Variants in KCNIP1 observed in about 807,000 individuals in gnomAD.
KCNIP1 encodes the protein A-type potassium channel modulatory protein KCNIP1.
KCNIP1 carries 18 observed loss-of-function variants against 33.0 expected under a neutral mutation model. The observed-to-expected ratio is 0.55, with a 90% CI of 0.38 to 0.81. The LOEUF (loss-of-function observed/expected upper bound fraction) is 0.81, where lower values mean the gene tolerates loss of function less well. Ranked by LOEUF, KCNIP1 falls within the 30% of genes least tolerant of loss-of-function variation. KCNIP1 has a pLI of 0.00. For missense variants in KCNIP1, 238 were observed against 271.6 expected, an observed-to-expected ratio of 0.88 and a Z score of 0.87; for synonymous variants, 93 against 98.3, an observed-to-expected ratio of 0.95 and a Z score of 0.32.
intron 1 of KCNIP1, among the ~76,000 whole-genome samples, chr5:170,550,649 TA>T (rs1254670791): frequency 6.6e-6 from 1 of 152,050 alleles, no homozygotes; most frequent in African/African-American, 2.4e-5. Context: ...ACAATGATGG[TA>T]ACAGTGATGA....
At chr5:170,493,294 C>T (rs1477547946) in intron 1 of KCNIP1, among the ~76,000 whole-genome samples, 3 of 152,180 alleles carry the variant, frequency 2.0e-5, no homozygotes, top group Admixed American at 2.0e-4. Flanking sequence ...GTATTCCATG[C>T]CCTTCTTCCT....
chr5:170,501,216 G>A (rs965216784), upstream of KCNIP1, among the ~76,000 whole-genome samples: 7 of 152,164 alleles, frequency 4.6e-5, no homozygotes, highest in Admixed American at 1.3e-4. Flanking sequence ...GGGATCCCTG[G>A]AGGAGATGAC....
chr5:170,448,917 C>T (rs542221747), intron 1 of KCNIP1, among the ~76,000 whole-genome samples: 4 of 152,186 alleles, frequency 2.6e-5, no homozygotes, highest in Non-Finnish European at 5.9e-5. Flanking sequence ...GATGAGAACA[C>T]TGAGGCTCAG....
chr5:170,384,535 T>C (rs314116), intron 1 of KCNIP1, among the ~76,000 whole-genome samples: 71,681 of 151,960 alleles, frequency 0.47, 16,988 homozygotes, highest in Admixed American at 0.52. Flanking sequence ...GGCTAACAGG[T>C]TCATCAACAT....
rs1763155939 is a variant in KCNIP1 at position 170,703,128 on chromosome 5, AG to A, written c.62-15627del. 1.5e-5 allele frequency among the ~76,000 whole-genome samples: 2 copies of A among 137,760 alleles called. 1 individual carries two copies. The highest frequency in any genetic ancestry group is 5.3e-5 in the African/African-American group (2 of 37,574). 90.4% of individuals were successfully genotyped at this position (137,760 alleles called of 152,430 possible). A position where few individuals can be genotyped will look rare whatever the true frequency, so the allele number is the denominator to read the frequency against. Reference sequence around the variant, plus strand: ...GGACACGGCTTGATTCTTTAATCACAGGGCATCCTGTCTTCTCCACATTGCT... The same window carrying A: ...GGACACGGCTTGATTCTTTAATCACAGGCATCCTGTCTTCTCCACATTGCT... On this transcript the variant is annotated intron_variant, in intron 1 of 7. Coordinates refer to ENST00000328939, the MANE Select transcript of KCNIP1 (RefSeq NM_014592.4).
chr5:170,554,545 A>G (rs577934003), intron 1 of KCNIP1, among the ~76,000 whole-genome samples: 27 of 152,172 alleles, frequency 1.8e-4, no homozygotes, highest in South Asian at 4.1e-4. Flanking sequence ...TTGATGACAG[A>G]CGGAATCTCA....
At chr5:170,390,880 C>A (rs892006275) in intron 1 of KCNIP1, among the ~76,000 whole-genome samples, 4 of 152,108 alleles carry the variant, frequency 2.6e-5, no homozygotes, top group Non-Finnish European at 2.9e-5. Flanking sequence ...CCTGGCCTTC[C>A]CTGCTGAGCG....
chr5:170,510,388 G>A (rs1754886963), intron 1 of KCNIP1, among the ~76,000 whole-genome samples: 1 of 152,218 alleles, frequency 6.6e-6, no homozygotes, highest in Non-Finnish European at 1.5e-5. Context: ...GGATGGGCCA[G>A]AGTGTGCGTT....
intron 1 of KCNIP1, among the ~76,000 whole-genome samples, chr5:170,475,452 C>A (rs1189680736): frequency 6.6e-6 from 1 of 152,196 alleles, no homozygotes; most frequent in East Asian, 1.9e-4. Context: ...CTCCCTGACT[C>A]CTGCTGCAGA....
At chr5:170,472,840 A>G (rs971439976) in intron 1 of KCNIP1, among the ~76,000 whole-genome samples, 3 of 152,120 alleles carry the variant, frequency 2.0e-5, no homozygotes, top group African/African-American at 7.2e-5. Flanking sequence ...ATTGATGGAC[A>G]TTTGGGTCGG....
chr5:170,455,603 A>G (rs1009262469), intron 1 of KCNIP1, among the ~76,000 whole-genome samples: 1 of 152,270 alleles, frequency 6.6e-6, no homozygotes, highest in Non-Finnish European at 1.5e-5. Context: ...GAAATTATAC[A>G]CAATCTGTTC....
chr5:170,625,468 A>T (rs545823736), intron 1 of KCNIP1, among the ~76,000 whole-genome samples: 6 of 152,302 alleles, frequency 3.9e-5, no homozygotes, highest in African/African-American at 1.4e-4. Context: ...CCGGCTCCCC[A>T]TCGCTGGGCT....
chr5:170,439,546 G>A (rs1755941555), intron 1 of KCNIP1, among the ~76,000 whole-genome samples: 1 of 152,210 alleles, frequency 6.6e-6, no homozygotes, highest in Non-Finnish European at 1.5e-5. Context: ...CCACACGTAG[G>A]AGGCTGGATG....
intron 1 of KCNIP1, among the ~76,000 whole-genome samples, chr5:170,403,179 G>C (rs1411656680): frequency 6.6e-6 from 1 of 152,208 alleles, no homozygotes; most frequent in Non-Finnish European, 1.5e-5. Context: ...GCAGGAGGCA[G>C]AGAGGTACCA....
chr5:170,474,609 C>A (rs543254755), intron 1 of KCNIP1, among the ~76,000 whole-genome samples: 1 of 152,184 alleles, frequency 6.6e-6, no homozygotes, highest in Non-Finnish European at 1.5e-5. Flanking sequence ...ATTTCTGATT[C>A]CCATAGACTC....
intron 1 of KCNIP1, among the ~76,000 whole-genome samples, chr5:170,715,935 C>T (rs1210884767): frequency 1.3e-5 from 2 of 152,208 alleles, no homozygotes; most frequent in African/African-American, 4.8e-5. Context: ...CTCCTGCACA[C>T]AGGGAACAGG....
In KCNIP1 at chr5:170,390,517, A is replaced by AAAT; in HGVS notation, c.88+36554_88+36555insATA. ...GACCCCGTCTCAAAAAAAAAAAACAAATATATATATATATATATATATTTT... is the reference window on the plus strand; with the variant it reads ...GACCCCGTCTCAAAAAAAAAAAACAAAATATATATATATATATATATATATTTT... On this transcript the variant is annotated intron_variant, in intron 1 of 7. Coordinates refer to the KCNIP1 transcript ENST00000377360. 3.5e-4 allele frequency among the ~76,000 whole-genome samples: 26 copies of AAAT among 74,540 alleles called. 4 individuals are homozygous for AAAT. The highest frequency in any genetic ancestry group is 1.3e-3 in the African/African-American group (20 of 15,616). The allele number at this position is 74,540 out of a possible 152,430, so 48.9% of individuals were successfully genotyped here. A position where few individuals can be genotyped will look rare whatever the true frequency, so the allele number is the denominator to read the frequency against.
intron 1 of KCNIP1, among the ~76,000 whole-genome samples, chr5:170,361,963 T>C (rs905784): frequency 0.39 from 59,258 of 152,074 alleles, 12,368 homozygotes; most frequent in African/African-American, 0.55. Flanking sequence ...TGGCTTTTTT[T>C]TCTGGGCTTC....
chr5:170,601,009 C>T (rs562021217), intron 1 of KCNIP1, among the ~76,000 whole-genome samples: 2 of 152,352 alleles, frequency 1.3e-5, no homozygotes, highest in South Asian at 2.1e-4. Context: ...GCTGTGTGAC[C>T]TTGAACAAGT....
Sources: allele counts gnomAD v4.1 joint callset (sites outside exome capture counted in the v4.1 genomes callset), GRCh38; gene constraint gnomAD v4.1.1; transcripts MANE v1.5; gene names NCBI Gene and HGNC (gene_info 2026-07-23, HGNC 2026-07-21).